TCAIM: variants seen among roughly 807,000 people sequenced by gnomAD.
The protein encoded by TCAIM is T cell activation inhibitor, mitochondrial.
A neutral mutation model predicts 58.6 loss-of-function variants in TCAIM; 36 were observed. The ratio of observed to expected loss-of-function variants is 0.61; its 90% CI spans 0.47 to 0.81. The LOEUF (loss-of-function observed/expected upper bound fraction) is 0.81. Among genes scored for constraint, TCAIM ranks in the 30% least tolerant of loss-of-function variants. The probability of loss-of-function intolerance (pLI) is 0.00; values close to 1 mark genes in which losing one functional copy is unlikely to be tolerated. For missense variants in TCAIM, 466 were observed against 579.6 expected (o/e 0.80, Z 2.01); for synonymous variants, 172 against 193.6 (o/e 0.89, Z 0.93).
At chr3:44,376,436 G>C (rs1210218941) in intron 5 of TCAIM, among the ~76,000 whole-genome samples, 1 of 152,140 alleles carries the variant, frequency 6.6e-6, no homozygotes, top group Admixed American at 6.5e-5. Flanking sequence ...TGAAAGAGTT[G>C]GGGAGAGCTA....
At chr3:44,358,902 T>A in intron 3 of TCAIM, 1 of 985,392 alleles carries the variant, frequency 1.0e-6, no homozygotes, top group Non-Finnish European at 1.2e-6. Flanking sequence ...AGGAAAATAT[T>A]CTGATTATGA....
intron 3 of TCAIM, chr3:44,358,950 A>C: frequency 1.0e-6 from 1 of 985,412 alleles, no homozygotes; most frequent in Non-Finnish European, 1.2e-6. Flanking sequence ...AGAACTTTTC[A>C]AAGTAATCAG....
chr3:44,358,535 C>CA (rs1343851531), intron 3 of TCAIM: 2 of 404,654 alleles, frequency 4.9e-6, no homozygotes, highest in Non-Finnish European at 8.5e-6. Flanking sequence ...CACAGGATAA[C>CA]AACTACTTAC....
chr3:44,362,304 G>A (rs1701306401), intron 4 of TCAIM: 2 of 398,320 alleles, frequency 5.0e-6, no homozygotes, highest in Non-Finnish European at 8.9e-6. Context: ...TGACCTAGCT[G>A]TGTGACCTTT....
chr3:44,345,140 C>T (rs1046779769), intron 1 of TCAIM, among the ~76,000 whole-genome samples: 2 of 152,000 alleles, frequency 1.3e-5, no homozygotes, highest in Non-Finnish European at 2.9e-5. Flanking sequence ...AGGGCTGCTT[C>T]GAGCAGGATT....
chr3:44,346,513 G>A (rs893344365), intron 1 of TCAIM, among the ~76,000 whole-genome samples: 1 of 152,188 alleles, frequency 6.6e-6, no homozygotes, highest in African/African-American at 2.4e-5. Context: ...AGGGAAGGGA[G>A]AGGGCCTGAA....
rs965387118 is a variant in TCAIM, at chr3:44,359,228, A to G, written c.165+1352A>G. On this transcript the variant is annotated intron_variant, in intron 3 of 10. Transcript: ENST00000342649. ...AGTCCTCATCTCCTAAATTTAAAAA[A>G]CAAACAACAAAAACTTCTACGTGTG... 12 of 334,120 alleles carry G rather than the reference A, an allele frequency of 3.6e-5. 1 individual carries two copies. Among genetic ancestry groups the G allele is most frequent in the Non-Finnish European group, 4.7e-5 (11 of 234,708 alleles). 20.7% of individuals were successfully genotyped at this position (334,120 alleles called of 1,614,324 possible).
At chr3:44,343,009 C>T (rs1285008719) in intron 1 of TCAIM, among the ~76,000 whole-genome samples, 2 of 151,848 alleles carry the variant, frequency 1.3e-5, no homozygotes, top group Non-Finnish European at 2.9e-5. Context: ...CGGTGGCAGG[C>T]GACTGTAATC....
At chr3:44,383,798 C>G (rs1575266873) in intron 5 of TCAIM, among the ~76,000 whole-genome samples, 1 of 106,960 alleles carries the variant, frequency 9.3e-6, no homozygotes. Flanking sequence ...CATGGCAAGA[C>G]CCTGTCTCTA....
At chr3:44,391,394 A>G (rs7643711) in intron 5 of TCAIM, 98,553 of 151,842 alleles carry the variant, frequency 0.65, 32,843 homozygotes, top group East Asian at 0.97. Context: ...GTTTCACCAC[A>G]TTGGTCAGGC....
At chr3:44,355,842 A>G (rs1261723094) in intron 2 of TCAIM, among the ~76,000 whole-genome samples, 3 of 152,154 alleles carry the variant, frequency 2.0e-5, no homozygotes, top group African/African-American at 7.2e-5. Context: ...CCTTTTTTAG[A>G]TATGTAAAAT....
chr3:44,356,626 C>T (rs1701195423), intron 2 of TCAIM, among the ~76,000 whole-genome samples: 3 of 151,960 alleles, frequency 2.0e-5, no homozygotes, highest in Admixed American at 2.0e-4. Context: ...GATTTAAACA[C>T]CGTACTTTTA....
In TCAIM at chr3:44,354,315, C is replaced by A. The variant is rs576326147; in HGVS notation, c.-44-424C>A. Among the ~76,000 whole-genome samples, 12 of 152,314 alleles carry A rather than the reference C, an allele frequency of 7.9e-5. No individual in the cohort carries two copies. In the East Asian group the frequency reaches 2.3e-3, roughly 29 times the overall value. ...CACCGCGCTGTCTTGACTACTGTAG[C>A]TTTAGAGTGAGTCTTGAAATAAAGT... On this transcript the variant is annotated intron_variant, in intron 1 of 10. Transcript: ENST00000342649.
intron 3 of TCAIM, chr3:44,358,304 G>A: frequency 1.1e-6 from 1 of 898,152 alleles, no homozygotes; most frequent in East Asian, 2.5e-5. Flanking sequence ...ATCAGTTAAT[G>A]TGTGCTCCAG....
intron 8 of TCAIM, among the ~76,000 whole-genome samples, chr3:44,398,570 C>T (rs1701975694): frequency 6.6e-6 from 1 of 152,016 alleles, no homozygotes; most frequent in African/African-American, 2.4e-5. Context: ...GATAAGAATG[C>T]AGAAAAAATA....
At chr3:44,340,474 T>G (rs893899958) in intron 1 of TCAIM, 1 of 152,182 alleles carries the variant, frequency 6.6e-6, no homozygotes, top group Non-Finnish European at 1.5e-5. Flanking sequence ...AGAATTTTGG[T>G]TTTTTTAATC....
chr3:44,354,410 T>C (rs796975107), intron 1 of TCAIM, among the ~76,000 whole-genome samples: 4 of 152,318 alleles, frequency 2.6e-5, no homozygotes, highest in African/African-American at 9.6e-5. Flanking sequence ...TTGTCTCTCT[T>C]TATAAACTTT....
At chr3:44,356,515 C>CT (rs1486522013) in intron 2 of TCAIM, among the ~76,000 whole-genome samples, 1 of 150,526 alleles carries the variant, frequency 6.6e-6, no homozygotes, top group African/African-American at 2.4e-5. Flanking sequence ...GAGTGAGACT[C>CT]TGTCTCAAAA....
chr3:44,369,490 G>A (rs1267235836), intron 5 of TCAIM, among the ~76,000 whole-genome samples: 3 of 152,186 alleles, frequency 2.0e-5, no homozygotes, highest in Admixed American at 6.5e-5. Context: ...TTTATTTGGA[G>A]CTGGATGTGC....
Sources: allele counts gnomAD v4.1 joint callset (sites outside exome capture counted in the v4.1 genomes callset), GRCh38; gene constraint gnomAD v4.1.1; transcripts MANE v1.5; gene names NCBI Gene and HGNC (gene_info 2026-07-23, HGNC 2026-07-21).